The following AHI1 variants were observed in gnomAD, a reference collection of about 807,000 sequenced individuals.
AHI1 encodes the protein jouberin.
Under a neutral mutation model 149.3 loss-of-function variants are expected in AHI1, and 123 were observed. The ratio of observed to expected loss-of-function variants is 0.82; its 90% CI spans 0.71 to 0.96. The LOEUF (loss-of-function observed/expected upper bound fraction) is 0.96, where lower values mean the gene tolerates loss of function less well. Among genes scored for constraint, AHI1 ranks in the 40% least tolerant of loss-of-function variants. The probability of loss-of-function intolerance (pLI) is 0.00; values close to 1 mark genes in which losing one functional copy is unlikely to be tolerated. For missense variants in AHI1, 1,439 were observed against 1,422.7 expected, an observed-to-expected ratio of 1.01 and a Z score of -0.18; for synonymous variants, 475 against 459.8, an observed-to-expected ratio of 1.03 and a Z score of -0.42.
chr6:135,437,995 A>G (rs566975896), intron 15 of AHI1, among the ~76,000 whole-genome samples: 2 of 152,266 alleles, frequency 1.3e-5, no homozygotes, highest in African/African-American at 2.4e-5. Context: ...ACTGAGCACC[A>G]CTGGATTCTA....
chr6:135,374,787 T>C (rs1775654606), intron 23 of AHI1, among the ~76,000 whole-genome samples: 1 of 152,174 alleles, frequency 6.6e-6, no homozygotes, highest in African/African-American at 2.4e-5. Context: ...CAGGTGGCCC[T>C]TGACTTATGA....
In AHI1 at chr6:135,340,232, C is replaced by T. The variant is rs564688993; in HGVS notation, c.3166-16908G>A. ...TAAAAATACAAAAAAATTAGCTGGG[C>T]GTGGTGGCACATGCCTGTAATCTCA... On this transcript the variant is annotated intron_variant, in intron 24 of 28. Transcript: ENST00000265602. Among the ~76,000 whole-genome samples the T allele has an allele frequency of 7.9e-5, 12 of 152,066 alleles. No individual in the cohort carries two copies. The South Asian group carries it at 1.9e-3, about 24-fold the overall frequency.
At position 135,466,103 on chromosome 6, in the gene AHI1, G is replaced by C; in HGVS notation, c.460C>G (p.His154Asp). The part of the protein sequence containing the change: ...ETPENKVDST[H>D]QKTHTKPQPG... ...TGTGGCTTTGTATGTGTTTTCTGGT[G>C]TGTAGAATCAACCTTATTCTCAGGA... The change falls in exon 7 of 29, where the codon CAC becomes GAC. Residue 154 changes from histidine (H) to aspartate (D), a missense_variant. Physicochemically the swap from His to Asp is moderately conservative, Grantham distance 81. Transcript: ENST00000265602. 1 of 1,613,900 alleles carries C rather than the reference G, an allele frequency of 6.2e-7. No homozygotes were observed. The highest frequency in any genetic ancestry group is 8.5e-7 in the Non-Finnish European group (1 of 1,179,858).
chr6:135,376,464 C>G (rs567024519), intron 23 of AHI1, among the ~76,000 whole-genome samples: 84 of 152,316 alleles, frequency 5.5e-4, no homozygotes, highest in African/African-American at 1.8e-3. Flanking sequence ...ACATGATATG[C>G]ACCCGATATG....
At chr6:135,385,751 G>C (rs1433579480) in intron 23 of AHI1, among the ~76,000 whole-genome samples, 2 of 152,124 alleles carry the variant, frequency 1.3e-5, no homozygotes, top group Non-Finnish European at 2.9e-5. Context: ...AGCTAAACAG[G>C]CTGTGAAATC....
Position 135,492,218 on chromosome 6 carries a change from G to T in AHI1, c.10+10C>A. On this transcript the variant is annotated intron_variant, in intron 4 of 28. Coordinates refer to ENST00000265602, the MANE Select transcript of AHI1 (RefSeq NM_001134831.2). ...ATAAATTTTATACATAAATTTCATA[G>T]AAGTCTTACCTGTAGGCATCTCTCA... 1 of 1,514,346 alleles carries T rather than the reference G, an allele frequency of 6.6e-7. No homozygotes were observed. Among genetic ancestry groups the T allele is most frequent in the Non-Finnish European group, 8.9e-7 (1 of 1,126,698 alleles). The allele number at this position is 1,514,346 out of a possible 1,614,324, so 93.8% of individuals were successfully genotyped here. A position where few individuals can be genotyped will look rare whatever the true frequency, so the allele number is the denominator to read the frequency against.
At chr6:135,488,597 A>G (rs929953309) in intron 5 of AHI1, among the ~76,000 whole-genome samples, 1 of 152,202 alleles carries the variant, frequency 6.6e-6, no homozygotes, top group African/African-American at 2.4e-5. Flanking sequence ...CCCAATATCT[A>G]TCTTGCATGA....
At chr6:135,436,054 G>A (rs1785353114) in intron 15 of AHI1, among the ~76,000 whole-genome samples, 1 of 152,162 alleles carries the variant, frequency 6.6e-6, no homozygotes. Flanking sequence ...GTGGCAATGG[G>A]CCATTCAAAT....
chr6:135,447,364 T>G (rs986494474), intron 12 of AHI1, among the ~76,000 whole-genome samples: 2 of 152,116 alleles, frequency 1.3e-5, no homozygotes, highest in Non-Finnish European at 2.9e-5. Context: ...CAAAAAGCCA[T>G]AAAAATTTTG....
At chr6:135,394,575 G>T in intron 23 of AHI1, 1 of 624,278 alleles carries the variant, frequency 1.6e-6, no homozygotes, top group Non-Finnish European at 2.7e-6. Context: ...CATAGGTTCA[G>T]TGTATCTACT....
intron 23 of AHI1, among the ~76,000 whole-genome samples, chr6:135,370,716 A>G (rs559886049): frequency 3.0e-4 from 46 of 152,320 alleles, no homozygotes; most frequent in African/African-American, 1.1e-3. Flanking sequence ...GGTCTTCTCA[A>G]TAATATGGTA....
intron 5 of AHI1, among the ~76,000 whole-genome samples, chr6:135,475,468 T>C (rs1469991860): frequency 6.6e-6 from 1 of 152,238 alleles, no homozygotes. Context: ...TGTAACAGTT[T>C]TGCCAGAAAG....
chr6:135,302,054 T>A, intron 26 of AHI1: 1 of 967,848 alleles, frequency 1.0e-6, no homozygotes, highest in South Asian at 4.8e-5. Flanking sequence ...TACAGTGGCA[T>A]GATCGTAGCT....
intron 26 of AHI1, among the ~76,000 whole-genome samples, chr6:135,304,294 C>T (rs1784277154): frequency 6.6e-6 from 1 of 152,158 alleles, no homozygotes; most frequent in South Asian, 2.1e-4. Flanking sequence ...CTCAAGCAAT[C>T]CTCCTGCCCC....
intron 24 of AHI1, among the ~76,000 whole-genome samples, chr6:135,329,943 A>C (rs1788288795): frequency 6.6e-6 from 1 of 152,230 alleles, no homozygotes; most frequent in Admixed American, 6.5e-5. Context: ...AAACAGCAAG[A>C]AAACTAGAAT....
At chr6:135,467,507 G>A in intron 6 of AHI1, 74 bp downstream of exon 6, 1 of 1,176,392 alleles carries the variant, frequency 8.5e-7, no homozygotes, top group Non-Finnish European at 1.3e-6. Context: ...AACCATTGCT[G>A]ACTGTGTATT....
At chr6:135,423,500 G>C (rs902498125) in intron 20 of AHI1, among the ~76,000 whole-genome samples, 15 of 152,108 alleles carry the variant, frequency 9.9e-5, no homozygotes, top group Admixed American at 2.6e-4. Context: ...TAAAAAATAA[G>C]TTTGTCAACA....
At chr6:135,492,360 A>C (rs1795365288) in intron 3 of AHI1, 69 bp from the exon 4 acceptor site, 1 of 1,455,192 alleles carries the variant, frequency 6.9e-7, no homozygotes, top group African/African-American at 1.4e-5. Flanking sequence ...CGTTCTTCAC[A>C]CAAGATCATG....
chr6:135,418,666 T>C (rs191331692), intron 20 of AHI1, among the ~76,000 whole-genome samples: 10 of 152,224 alleles, frequency 6.6e-5, no homozygotes, highest in African/African-American at 2.4e-4. Context: ...GAAGTGAACC[T>C]GGAATCACAA....
Sources: gnomAD v4.1 joint callset for allele counts (sites outside exome capture counted in the v4.1 genomes callset) on GRCh38, gnomAD v4.1.1 for gene constraint, MANE v1.5 for transcripts, NCBI Gene and HGNC (gene_info 2026-07-23, HGNC 2026-07-21) for gene names.